Variants in OSBPL1A observed in about 807,000 individuals in gnomAD.
The protein encoded by OSBPL1A is oxysterol binding protein like 1A.
A neutral mutation model predicts 137.1 loss-of-function variants in OSBPL1A; 80 were observed. The ratio of observed to expected loss-of-function variants is 0.58; its 90% CI spans 0.49 to 0.70. The LOEUF (loss-of-function observed/expected upper bound fraction) is 0.70, where lower values mean the gene tolerates loss of function less well. Among genes scored for constraint, OSBPL1A ranks in the 30% least tolerant of loss-of-function variants. OSBPL1A has a pLI of 0.00. For missense variants in OSBPL1A, 970 were observed against 1,129.4 expected (o/e 0.86, Z 2.02); for synonymous variants, 365 against 389.7 (o/e 0.94, Z 0.75).
chr18:24,235,370 T>A (rs1313309544), intron 16 of OSBPL1A, among the ~76,000 whole-genome samples: 2 of 151,984 alleles, frequency 1.3e-5, no homozygotes, highest in Non-Finnish European at 2.9e-5. Flanking sequence ...CATTTGCAGA[T>A]GAAGAAATGA....
chr18:24,271,898 C>G lies in OSBPL1A; in HGVS notation c.1281+8944G>C, dbSNP rs1599597035. On this transcript the variant is annotated intron_variant, in intron 15 of 27. Coordinates refer to ENST00000319481, the MANE Select transcript of OSBPL1A (RefSeq NM_080597.4). The surrounding 1 kb of genome is among the most constrained non-coding windows in gnomAD (Gnocchi z 4.0). ...GCCCAGGACTCCCGCGCCGCGCCCG[C>G]CCGGGCCGCAGAGGTCTGCGCTGCC... The G allele has an allele frequency of 1.0e-6, 1 of 984,432 alleles. No individual in the cohort carries two copies. The highest frequency in any genetic ancestry group is 1.8e-5 in the African/African-American group (1 of 57,116). 61.0% of individuals were successfully genotyped at this position (984,432 alleles called of 1,614,324 possible).
At chr18:24,202,780 G>A (rs149345517) in intron 17 of OSBPL1A, among the ~76,000 whole-genome samples, 9 of 152,092 alleles carry the variant, frequency 5.9e-5, no homozygotes, top group Non-Finnish European at 1.2e-4. Flanking sequence ...TTATTAACAG[G>A]TACTCCAGAA....
chr18:24,331,142 C>T (rs548053458), intron 7 of OSBPL1A, among the ~76,000 whole-genome samples: 27 of 152,110 alleles, frequency 1.8e-4, no homozygotes, highest in Non-Finnish European at 3.1e-4. Flanking sequence ...TGCAGCCCTT[C>T]CCAGGTGTTA....
At chr18:24,379,448 A>C (rs1047356563) in intron 1 of OSBPL1A, among the ~76,000 whole-genome samples, 3 of 151,452 alleles carry the variant, frequency 2.0e-5, no homozygotes, top group African/African-American at 7.3e-5. Flanking sequence ...TGAACCTGGG[A>C]GGTGGAGGTT....
intron 15 of OSBPL1A, among the ~76,000 whole-genome samples, chr18:24,261,466 G>A (rs1326103700): frequency 1.3e-5 from 2 of 152,112 alleles, no homozygotes; most frequent in Non-Finnish European, 2.9e-5. Context: ...GCAATAGGAA[G>A]GGCATAGTAA....
In OSBPL1A at chr18:24,274,914, T is replaced by TA. The variant is rs561757844; in HGVS notation, c.1281+5927dup. Among the ~76,000 whole-genome samples, 287 of 133,564 alleles carry TA rather than the reference T, an allele frequency of 2.1e-3. 3 individuals carry two copies. In the East Asian group the frequency reaches 0.035, roughly 17 times the overall value. 87.6% of individuals were successfully genotyped at this position (133,564 alleles called of 152,430 possible). A position where few individuals can be genotyped will look rare whatever the true frequency, so the allele number is the denominator to read the frequency against. On this transcript the variant is annotated intron_variant, in intron 15 of 27. Transcript: ENST00000319481. ...ACAGAGTAAGACTCCATCTCAAAAT[T>TA]AAAAAAAAAAAAGAAGGTGACTGAG...
chr18:24,251,656 G>A (rs2089101641), intron 15 of OSBPL1A, among the ~76,000 whole-genome samples: 1 of 152,130 alleles, frequency 6.6e-6, no homozygotes, highest in Admixed American at 6.5e-5. Context: ...ACTCTTCAAT[G>A]CCCAGACACC....
chr18:24,270,214 T>C (rs1183759468), intron 15 of OSBPL1A, among the ~76,000 whole-genome samples: 2 of 152,238 alleles, frequency 1.3e-5, no homozygotes, highest in African/African-American at 4.8e-5. Flanking sequence ...TTATAAAGAA[T>C]GTAAATGATA....
chr18:24,174,935 G>A (rs1352826073), intron 21 of OSBPL1A, among the ~76,000 whole-genome samples: 3 of 150,904 alleles, frequency 2.0e-5, no homozygotes, highest in African/African-American at 7.3e-5. Flanking sequence ...CCCATGCCTG[G>A]CTAAATTTAT....
In OSBPL1A at chr18:24,212,092, A is replaced by T. The variant is rs1401112626; in HGVS notation, c.1601+12950T>A. Among the ~76,000 whole-genome samples the T allele has an allele frequency of 2.7e-5, 4 of 150,432 alleles. No individual in the cohort carries two copies. The South Asian group carries it at 8.4e-4, about 32-fold the overall frequency. ...CAGAAACTTTTTTTTTTTTTGAGAG[A>T]TAGTCTCGCTCTCTTGCCAGGCTGG... is the stretch of plus-strand genomic sequence containing the variant. On this transcript the variant is annotated intron_variant, in intron 17 of 27. Transcript: ENST00000319481.
At chr18:24,229,242 G>C (rs149746096) in intron 16 of OSBPL1A, among the ~76,000 whole-genome samples, 1 of 152,156 alleles carries the variant, frequency 6.6e-6, no homozygotes, top group Non-Finnish European at 1.5e-5. Context: ...ATAAAATGAA[G>C]CTAGGGATGA....
chr18:24,269,469 T>C (rs1353957655), intron 15 of OSBPL1A, among the ~76,000 whole-genome samples: 2 of 152,216 alleles, frequency 1.3e-5, no homozygotes, highest in Non-Finnish European at 2.9e-5. Context: ...GTCAGATGAC[T>C]ACATAGATTT....
chr18:24,370,385 G>A (rs1342451800), intron 2 of OSBPL1A, among the ~76,000 whole-genome samples: 1 of 152,050 alleles, frequency 6.6e-6, no homozygotes, highest in South Asian at 2.1e-4. Context: ...AAATAACTTT[G>A]GGCAGCATAT....
At chr18:24,335,675 A>G (rs2091163603) in intron 5 of OSBPL1A, among the ~76,000 whole-genome samples, 1 of 152,184 alleles carries the variant, frequency 6.6e-6, no homozygotes, top group Admixed American at 6.5e-5. Flanking sequence ...ATCCTGACTA[A>G]AGTCAAGTCA....
intron 14 of OSBPL1A, among the ~76,000 whole-genome samples, chr18:24,297,602 C>G (rs2090316757): frequency 6.6e-6 from 1 of 152,188 alleles, no homozygotes; most frequent in Non-Finnish European, 1.5e-5. Flanking sequence ...TCACTACTAT[C>G]ATTCATTTCA....
At chr18:24,262,792 C>T (rs1036427632) in intron 15 of OSBPL1A, among the ~76,000 whole-genome samples, 3 of 134,160 alleles carry the variant, frequency 2.2e-5, no homozygotes, top group Admixed American at 1.4e-4. Flanking sequence ...TTCTCTCCAC[C>T]CCCTACCCAG....
At chr18:24,306,315 T>A (rs1232467055) in intron 13 of OSBPL1A, among the ~76,000 whole-genome samples, 2 of 152,152 alleles carry the variant, frequency 1.3e-5, no homozygotes, top group Admixed American at 6.6e-5. Context: ...AATTACCTTA[T>A]GATCCCTAAC....
intron 1 of OSBPL1A, among the ~76,000 whole-genome samples, chr18:24,384,853 G>A (rs1460230634): frequency 3.4e-5 from 5 of 147,964 alleles, no homozygotes; most frequent in Non-Finnish European, 5.9e-5. Context: ...CAGCCTCGGC[G>A]ACAAGAGTGA....
At chr18:24,341,863 T>C (rs9964823) in intron 4 of OSBPL1A, among the ~76,000 whole-genome samples, 1,676 of 152,302 alleles carry the variant, frequency 0.011, 32 homozygotes, top group African/African-American at 0.038. Flanking sequence ...CAATCCACAA[T>C]TGATACATAG....
Sources: allele counts gnomAD v4.1 joint callset (sites outside exome capture counted in the v4.1 genomes callset), GRCh38; gene constraint gnomAD v4.1.1; non-coding constraint Gnocchi (gnomAD v3.1); transcripts MANE v1.5; gene names NCBI Gene and HGNC (gene_info 2026-07-23, HGNC 2026-07-21).